The following MAP4K3 variants were observed in gnomAD, a reference collection of about 807,000 sequenced individuals.
MAP4K3 encodes mitogen-activated protein kinase kinase kinase kinase 3.
Under a neutral mutation model 143.5 loss-of-function variants are expected in MAP4K3, and 94 were observed. The observed-to-expected ratio is 0.65, with a 90% CI of 0.55 to 0.78. The LOEUF is 0.78. MAP4K3 is among the 30% of genes least tolerant of loss of function. The pLI, the probability that MAP4K3 is intolerant of heterozygous loss-of-function variation, is 0.00. For missense variants in MAP4K3, 1,077 were observed against 1,068.1 expected (o/e 1.01, Z -0.12); for synonymous variants, 416 against 347.2 (o/e 1.20, Z -2.20).
intron 23 of MAP4K3, among the ~76,000 whole-genome samples, chr2:39,279,011 T>C (rs548884002): frequency 3.3e-5 from 5 of 152,308 alleles, no homozygotes; most frequent in Admixed American, 2.6e-4. Flanking sequence ...ATGAGAAGCA[T>C]GGCCATCGTC....
intron 8 of MAP4K3, among the ~76,000 whole-genome samples, chr2:39,328,094 G>A (rs1197039359): frequency 1.3e-5 from 2 of 152,194 alleles, no homozygotes; most frequent in African/African-American, 4.8e-5. Context: ...ACTTTGGGAG[G>A]CCGAGGCAGG....
chr2:39,300,242 C>T (rs770783443), intron 15 of MAP4K3, among the ~76,000 whole-genome samples: 9 of 152,078 alleles, frequency 5.9e-5, no homozygotes, highest in African/African-American at 1.7e-4. Flanking sequence ...TGCTGTTTCA[C>T]GCAGGTAACA....
Position 39,288,246 on chromosome 2 carries a change from G to T in MAP4K3, c.1349C>A (p.Ser450Tyr), listed in dbSNP as rs755887203. ...TGTTCCTTGATTTTCATCCTCAGTAGAATGCATTTCCTGTGGTATGAAGAT... is the reference window on the plus strand; with the variant it reads ...TGTTCCTTGATTTTCATCCTCAGTATAATGCATTTCCTGTGGTATGAAGAT... ...KSIFIPQEMHSTEDENQGTIK... is the reference protein window; with the variant it reads ...KSIFIPQEMHYTEDENQGTIK... Residue 450 changes from serine (S) to tyrosine (Y), a missense_variant, in exon 20 of 34, where the codon TCT becomes TAT. By Grantham distance (144) the Ser-to-Tyr change is moderately radical (BLOSUM62 -2). Around this residue, in one of 2 missense-constraint regions of MAP4K3, gnomAD observed 864 missense variants for 801.2 expected, o/e 1.08. Transcript: ENST00000263881. 1 of 1,613,968 alleles carries T rather than the reference G, an allele frequency of 6.2e-7. No homozygotes were observed. The highest frequency in any genetic ancestry group is 8.5e-7 in the Non-Finnish European group (1 of 1,179,920).
Position 39,269,609 on chromosome 2 carries a change from G to C in MAP4K3, c.1974-2362C>G, listed in dbSNP as rs543217380. On this transcript the variant is annotated intron_variant, in intron 26 of 33. Coordinates refer to ENST00000263881, the MANE Select transcript of MAP4K3 (RefSeq NM_003618.4). The stretch of plus-strand genomic sequence containing the variant: ...CCTGCCTCAGCCTCCCAGGTAGCTG[G>C]AACTACAGGCTGTATCAATTTAAAT... Among the ~76,000 whole-genome samples, 24 of 151,782 alleles carry C rather than the reference G, an allele frequency of 1.6e-4. No individual in the cohort carries two copies. In the South Asian group the frequency reaches 5.0e-3, roughly 32 times the overall value.
chr2:39,263,816 G>A (rs1680666857), intron 28 of MAP4K3, among the ~76,000 whole-genome samples: 1 of 152,128 alleles, frequency 6.6e-6, no homozygotes, highest in African/African-American at 2.4e-5. Flanking sequence ...GAGAAGCCAT[G>A]GATGGGTAAT....
intron 17 of MAP4K3, 118 bp downstream of exon 17, chr2:39,293,112 A>C (rs778571070): frequency 1.1e-5 from 9 of 782,618 alleles, no homozygotes; most frequent in African/African-American, 1.8e-5. Context: ...GCGAGACCCT[A>C]TCTCTATTAA....
chr2:39,306,287 T>G (rs1333684380), intron 15 of MAP4K3, among the ~76,000 whole-genome samples: 2 of 152,240 alleles, frequency 1.3e-5, no homozygotes, highest in Non-Finnish European at 2.9e-5. Context: ...ACGTGTGTAA[T>G]TCTGAAAACA....
chr2:39,433,873 T>G (rs747920566), intron 1 of MAP4K3, among the ~76,000 whole-genome samples: 2 of 152,182 alleles, frequency 1.3e-5, no homozygotes, highest in Non-Finnish European at 2.9e-5. Flanking sequence ...ACTTACTTAC[T>G]AAGTAAAATT....
chr2:39,349,100 G>A lies in MAP4K3; in HGVS notation c.246-5648C>T, dbSNP rs80226827. 1.7e-3 allele frequency among the ~76,000 whole-genome samples: 258 copies of A among 152,256 alleles called. 6 individuals are homozygous for A. In the East Asian group the frequency reaches 0.024, roughly 14 times the overall value. ...TGTACACTGCAGTCCCCTGATTCCT[G>A]TACTGTACTGTGAGTTGTTGTCTTG... On this transcript the variant is annotated intron_variant, in intron 3 of 33. Coordinates refer to ENST00000263881, the MANE Select transcript of MAP4K3 (RefSeq NM_003618.4).
chr2:39,341,427 G>C (rs998578504), intron 4 of MAP4K3, among the ~76,000 whole-genome samples: 1 of 151,998 alleles, frequency 6.6e-6, no homozygotes, highest in African/African-American at 2.4e-5. Context: ...GGGAAGCTGA[G>C]GTGGGCGGAT....
chr2:39,270,167 T>C (rs532017107), intron 26 of MAP4K3, among the ~76,000 whole-genome samples: 4 of 152,258 alleles, frequency 2.6e-5, no homozygotes, highest in South Asian at 2.1e-4. Context: ...TGAAAGACCA[T>C]AGGGATGACT....
chr2:39,286,724 A>G, intron 21 of MAP4K3, 128 bp downstream of exon 21: 1 of 424,866 alleles, frequency 2.4e-6, no homozygotes, highest in South Asian at 8.8e-5. Context: ...TAATTAATAT[A>G]CTAAAATATC....
At chr2:39,297,434 A>C (rs1682328734) in intron 16 of MAP4K3, among the ~76,000 whole-genome samples, 1 of 152,124 alleles carries the variant, frequency 6.6e-6, no homozygotes, top group Non-Finnish European at 1.5e-5. Flanking sequence ...TTTCTTTTAA[A>C]AATAGTATTT....
At chr2:39,414,820 T>C (rs1667327479) in intron 1 of MAP4K3, among the ~76,000 whole-genome samples, 1 of 151,294 alleles carries the variant, frequency 6.6e-6, no homozygotes, top group African/African-American at 2.4e-5. Context: ...GAGGTTGCAG[T>C]GAGCTGAGAT....
chr2:39,302,635 A>G (rs1436093455), intron 15 of MAP4K3, among the ~76,000 whole-genome samples: 2 of 152,204 alleles, frequency 1.3e-5, no homozygotes, highest in Admixed American at 6.5e-5. Flanking sequence ...CGCTCAAACT[A>G]TCCCAAGATG....
chr2:39,347,733 A>T (rs985134339), intron 3 of MAP4K3, among the ~76,000 whole-genome samples: 1 of 152,116 alleles, frequency 6.6e-6, no homozygotes, highest in Non-Finnish European at 1.5e-5. Context: ...TAAATAAATA[A>T]ATAAATTTTT....
intron 1 of MAP4K3, among the ~76,000 whole-genome samples, chr2:39,414,364 C>T (rs1295712684): frequency 6.6e-6 from 1 of 152,176 alleles, no homozygotes; most frequent in Non-Finnish European, 1.5e-5. Flanking sequence ...AAATAGTTTT[C>T]ACAAACTATT....
chr2:39,419,865 T>C (rs974860367), intron 1 of MAP4K3, among the ~76,000 whole-genome samples: 1 of 152,198 alleles, frequency 6.6e-6, no homozygotes, highest in South Asian at 2.1e-4. Flanking sequence ...TTTTGAAGAT[T>C]TGGAGTTTGT....
chr2:39,323,295 G>A (rs1683378700), intron 12 of MAP4K3: 1 of 152,144 alleles, frequency 6.6e-6, no homozygotes, highest in South Asian at 2.1e-4. Context: ...CCTGCTATAT[G>A]AGAAAGTTTT....
Sources: allele counts gnomAD v4.1 joint callset (sites outside exome capture counted in the v4.1 genomes callset), GRCh38; gene constraint gnomAD v4.1.1; regional missense constraint gnomAD v4.1.1; transcripts MANE v1.5; gene names NCBI Gene and HGNC (gene_info 2026-07-23, HGNC 2026-07-21).